Variants in PTPRD observed in about 807,000 individuals in gnomAD.
The protein encoded by PTPRD is receptor-type tyrosine-protein phosphatase delta.
Under a neutral mutation model 214.5 loss-of-function variants are expected in PTPRD, and 34 were observed. That is an observed-to-expected ratio of 0.16 (90% CI 0.12 to 0.21). The LOEUF (loss-of-function observed/expected upper bound fraction) is 0.21. Among genes scored for constraint, PTPRD ranks in the 10% least tolerant of loss-of-function variants. PTPRD has a pLI of 1.00. For synonymous variants in PTPRD, 1,128 were observed against 845.7 expected (o/e 1.33, Z -5.79); for missense variants, 2,545 against 2,398.7 (o/e 1.06, Z -1.27).
At chr9:9,471,929 G>C (rs1456064682) in intron 8 of PTPRD, among the ~76,000 whole-genome samples, 2 of 151,918 alleles carry the variant, frequency 1.3e-5, no homozygotes, top group East Asian at 1.9e-4. Context: ...TTTAACTACA[G>C]TTTACTCCTC....
rs1849796840 is a variant in PTPRD, at chr9:8,339,104, A to G, written c.5254-57T>C. 28 of 1,504,472 alleles carry G rather than the reference A, an allele frequency of 1.9e-5. 1 individual carries two copies. In the South Asian group the frequency reaches 3.4e-4, roughly 18 times the overall value. 93.2% of individuals were successfully genotyped at this position (1,504,472 alleles called of 1,614,324 possible). On this transcript the variant is annotated intron_variant, in intron 42 of 45. Transcript: ENST00000381196. ...GCAAAGTATAAAGAACATTCTGTAT[A>G]TTATCTATCTATCTATCTAATCTAT...
At chr9:9,309,833 A>G (rs542888727) in intron 9 of PTPRD, among the ~76,000 whole-genome samples, 3 of 152,324 alleles carry the variant, frequency 2.0e-5, no homozygotes, top group Non-Finnish European at 2.9e-5. Context: ...TTTTTACTCC[A>G]ATCTTGGAAT....
In PTPRD at chr9:8,711,722, T is replaced by C. The variant is rs184506452; in HGVS notation, c.64+22058A>G. Among the ~76,000 whole-genome samples the C allele has an allele frequency of 2.0e-5, 3 of 152,266 alleles. No individual in the cohort carries two copies. In the East Asian group the frequency reaches 5.8e-4, roughly 29 times the overall value. ...GCCCAGGTATCTGTTGGTTTTGCTT[T>C]TTAGAAAGTCCATAAACCACCACAC... On this transcript the variant is annotated intron_variant, in intron 12 of 45. Coordinates refer to ENST00000381196, the MANE Select transcript of PTPRD (RefSeq NM_002839.4).
At chr9:9,916,430 T>A (rs368391675) in intron 5 of PTPRD, among the ~76,000 whole-genome samples, 74 of 152,054 alleles carry the variant, frequency 4.9e-4, no homozygotes, top group African/African-American at 1.7e-3. Context: ...TAGGTGTACG[T>A]CCTCACCTAT....
intron 3 of PTPRD, among the ~76,000 whole-genome samples, chr9:10,275,790 T>C (rs951436437): frequency 2.6e-5 from 4 of 152,140 alleles, no homozygotes; most frequent in Non-Finnish European, 4.4e-5. Flanking sequence ...CAGGAAATGG[T>C]GGAGCCAAAA....
At chr9:8,461,738 T>A (rs978644153) in intron 32 of PTPRD, among the ~76,000 whole-genome samples, 5 of 151,996 alleles carry the variant, frequency 3.3e-5, no homozygotes, top group African/African-American at 1.2e-4. Context: ...ACCAGTCCCA[T>A]CCTCATCTTT....
intron 2 of PTPRD, among the ~76,000 whole-genome samples, chr9:10,462,378 T>C (rs567764805): frequency 7.0e-6 from 1 of 141,946 alleles, no homozygotes; most frequent in Non-Finnish European, 1.6e-5. Context: ...TTAAGAAAGG[T>C]AATATGATCT....
Position 9,954,503 on chromosome 9 carries a change from A to G in PTPRD, c.-471-15893T>C, listed in dbSNP as rs562795222. On this transcript the variant is annotated intron_variant, in intron 4 of 45. Transcript: ENST00000381196. ...AACTATTAATAAGAACATTACTTAT[A>G]AAATACATAATCAGACAATAAATTT... 1.8e-4 allele frequency among the ~76,000 whole-genome samples: 27 copies of G among 152,064 alleles called. 1 individual carries two copies. The South Asian group carries it at 5.6e-3, about 32-fold the overall frequency.
intron 8 of PTPRD, among the ~76,000 whole-genome samples, chr9:9,550,452 AT>A (rs1158674807): frequency 1.3e-5 from 2 of 148,152 alleles, no homozygotes; most frequent in Non-Finnish European, 3.0e-5. Flanking sequence ...TATGTATAGT[AT>A]TATACGTAGT....
chr9:9,479,629 A>G (rs1350805727), intron 8 of PTPRD, among the ~76,000 whole-genome samples: 1 of 152,168 alleles, frequency 6.6e-6, no homozygotes, highest in Non-Finnish European at 1.5e-5. Context: ...ATTAGATACC[A>G]TTCTTCCAAA....
At chr9:10,403,539 C>T (rs577141030) in intron 2 of PTPRD, among the ~76,000 whole-genome samples, 15 of 151,172 alleles carry the variant, frequency 9.9e-5, no homozygotes, top group Admixed American at 2.0e-4. Context: ...TTTGGGAGAG[C>T]GAAAAGGTAC....
intron 9 of PTPRD, among the ~76,000 whole-genome samples, chr9:9,184,824 A>T (rs551768372): frequency 2.0e-5 from 3 of 152,172 alleles, no homozygotes; most frequent in African/African-American, 7.2e-5. Context: ...ATCTTATGTG[A>T]TAAGATGTAT....
intron 2 of PTPRD, among the ~76,000 whole-genome samples, chr9:10,378,202 T>G (rs2097764317): frequency 6.6e-6 from 1 of 152,068 alleles, no homozygotes; most frequent in African/African-American, 2.4e-5. Flanking sequence ...TTCTTAAATG[T>G]TCTGGTTATT....
intron 10 of PTPRD, among the ~76,000 whole-genome samples, chr9:9,151,590 C>T (rs545201633): frequency 5.9e-5 from 9 of 152,216 alleles, no homozygotes; most frequent in Middle Eastern, 6.8e-3. Flanking sequence ...GGAAACTTTA[C>T]GAAAAATATT....
At chr9:8,977,128 T>C (rs769876902) in intron 11 of PTPRD, among the ~76,000 whole-genome samples, 8 of 152,146 alleles carry the variant, frequency 5.3e-5, no homozygotes, top group Non-Finnish European at 8.8e-5. Flanking sequence ...GTGCTGGTAA[T>C]ATCTCTGATA....
chr9:9,293,063 G>A (rs745551563), intron 9 of PTPRD, among the ~76,000 whole-genome samples: 3 of 151,326 alleles, frequency 2.0e-5, no homozygotes, highest in South Asian at 2.1e-4. Context: ...CTATCCTCAC[G>A]TACACGTTGG....
intron 12 of PTPRD, among the ~76,000 whole-genome samples, chr9:8,643,318 A>G (rs1390833680): frequency 6.6e-6 from 1 of 152,094 alleles, no homozygotes; most frequent in Non-Finnish European, 1.5e-5. Context: ...AGATTTATAG[A>G]AAGCTTTTTA....
At chr9:9,856,102 G>A (rs1052256917) in intron 5 of PTPRD, among the ~76,000 whole-genome samples, 1 of 152,094 alleles carries the variant, frequency 6.6e-6, no homozygotes, top group South Asian at 2.1e-4. Context: ...GGATAAGGTG[G>A]GTAGGTAATC....
chr9:8,501,929 C>A (rs936203447), intron 23 of PTPRD, among the ~76,000 whole-genome samples: 1 of 152,144 alleles, frequency 6.6e-6, no homozygotes, highest in Non-Finnish European at 1.5e-5. Flanking sequence ...TTATCCCTTA[C>A]AAAATGTCAA....
Sources: allele counts gnomAD v4.1 joint callset (sites outside exome capture counted in the v4.1 genomes callset), GRCh38; gene constraint gnomAD v4.1.1; transcripts MANE v1.5; gene names NCBI Gene and HGNC (gene_info 2026-07-23, HGNC 2026-07-21).